DNASE1: variants seen among roughly 807,000 people sequenced by gnomAD.
DNASE1 encodes the protein deoxyribonuclease-1.
In DNASE1, 40 loss-of-function variants were observed where a neutral mutation model predicts 33.9. That is an observed-to-expected ratio of 1.18 (90% CI 0.92 to 1.54). The LOEUF is 1.54. DNASE1 is among the 40% of genes most tolerant of loss of function. DNASE1 has a pLI of 0.00. For missense variants in DNASE1, 518 were observed against 372.6 expected, an observed-to-expected ratio of 1.39 and a Z score of -3.21; for synonymous variants, 216 against 160.0, an observed-to-expected ratio of 1.35 and a Z score of -2.64.
chr16:3,612,686 G>A (rs756074423), intron 1 of DNASE1, among the ~76,000 whole-genome samples: 10 of 151,856 alleles, frequency 6.6e-5, no homozygotes, highest in Non-Finnish European at 1.2e-4. Context: ...TGAGATTACA[G>A]GCGTGAGCCA....
At chr16:3,643,619 A>G (rs1436983566) in intron 1 of DNASE1, among the ~76,000 whole-genome samples, 2 of 152,192 alleles carry the variant, frequency 1.3e-5, no homozygotes, top group African/African-American at 4.8e-5. Context: ...AGTCCCTGAC[A>G]CTCAGTTGAA....
chr16:3,623,630 A>G (rs934036775), intron 1 of DNASE1, among the ~76,000 whole-genome samples: 2 of 152,208 alleles, frequency 1.3e-5, no homozygotes, highest in African/African-American at 4.8e-5. Flanking sequence ...AAGAAAAAAA[A>G]ACCCATTAGT....
At chr16:3,656,964 G>A (rs1172381829) in intron 5 of DNASE1, 35 bp from the exon 6 acceptor site, 2 of 1,607,410 alleles carry the variant, frequency 1.2e-6, no homozygotes, top group Non-Finnish European at 1.7e-6. Context: ...CTGCCCCCAG[G>A]GAGTGTGCCT....
At chr16:3,622,952 T>C (rs567466924) in intron 1 of DNASE1, among the ~76,000 whole-genome samples, 1 of 152,280 alleles carries the variant, frequency 6.6e-6, no homozygotes, top group Admixed American at 6.5e-5. Flanking sequence ...ACAAGGCCTC[T>C]TTTGGGAGAG....
chr16:3,664,608 T>C, exon 10 of DNASE1: 1 of 816,682 alleles, frequency 1.2e-6, no homozygotes. Context: ...TCGGGGGTTG[T>C]CCGAGAGCAG....
upstream of DNASE1, chr16:3,653,826 A>AAAAAAAACAAAAAAAAAC (rs2042428032): frequency 6.9e-6 from 1 of 144,908 alleles, no homozygotes; most frequent in African/African-American, 2.6e-5. Context: ...AAAAAAAAAA[A>AAAAAAAACAAAAAAAAAC]AAAAAAAAAA....
upstream of DNASE1, among the ~76,000 whole-genome samples, chr16:3,641,950 A>G (rs1420562191): frequency 2.6e-5 from 4 of 152,246 alleles, no homozygotes; most frequent in African/African-American, 9.6e-5. Context: ...CAGAGTTGGA[A>G]GAAATACAGC....
At chr16:3,619,008 C>G (rs1442850161) in intron 1 of DNASE1, among the ~76,000 whole-genome samples, 1 of 151,970 alleles carries the variant, frequency 6.6e-6, no homozygotes, top group Non-Finnish European at 1.5e-5. Flanking sequence ...CTCAGCCTAC[C>G]TGTAGCTAGA....
In DNASE1 at chr16:3,656,127, G is replaced by C; in HGVS notation, c.262G>C (p.Val88Leu). 1 of 1,614,078 alleles carries C rather than the reference G, an allele frequency of 6.2e-7. No homozygotes were observed. The highest frequency in any genetic ancestry group is 8.5e-7 in the Non-Finnish European group (1 of 1,180,010). Reference protein sequence around the residue: ...NQDAPDTYHYVVSEPLGRNSY... With the variant: ...NQDAPDTYHYLVSEPLGRNSY... ...GGATGCACCAGACACCTATCACTAC[G>C]TGGTCAGTGAGCCACTGGGACGGAA... is the stretch of plus-strand genomic sequence containing the variant. The change falls in exon 4 of 9, where the codon GTG becomes CTG. Residue 88 changes from valine to leucine, a missense_variant. Coordinates refer to ENST00000246949, the MANE Select transcript of DNASE1 (RefSeq NM_005223.4).
chr16:3,619,950 C>A lies in DNASE1; in HGVS notation c.-1359+7944C>A, dbSNP rs189185316. On this transcript the variant is annotated intron_variant and NMD_transcript_variant, in intron 1 of 11. Coordinates refer to the DNASE1 transcript ENST00000570769. ...TTTTTTTTTGAGACAGAGTCTTGCTCTGTCACCTAGGCTGGAGTGCAGTGG... is the reference window on the plus strand; with the variant it reads ...TTTTTTTTTGAGACAGAGTCTTGCTATGTCACCTAGGCTGGAGTGCAGTGG... Among the ~76,000 whole-genome samples, 616 of 144,220 alleles carry A rather than the reference C, an allele frequency of 4.3e-3. 3 individuals carry two copies. The highest frequency in any genetic ancestry group is 0.015 in the African/African-American group (588 of 39,024). 94.6% of individuals were successfully genotyped at this position (144,220 alleles called of 152,430 possible). A position where few individuals can be genotyped will look rare whatever the true frequency, so the allele number is the denominator to read the frequency against.
chr16:3,656,942 T>C (rs2042692326), intron 5 of DNASE1, 57 bp from the exon 6 acceptor site: 2 of 1,592,128 alleles, frequency 1.3e-6, no homozygotes, highest in African/African-American at 1.3e-5. Flanking sequence ...CCAGCTGACA[T>C]GGTGACTGAA....
chr16:3,651,412 C>T (rs935660525), upstream of DNASE1: 10 of 152,210 alleles, frequency 6.6e-5, no homozygotes, highest in Admixed American at 5.2e-4. Flanking sequence ...TCCTCGTTGC[C>T]GTTGGCTGCC....
At chr16:3,629,856 C>T (rs143578525) in intron 1 of DNASE1, among the ~76,000 whole-genome samples, 220 of 152,258 alleles carry the variant, frequency 1.4e-3, no homozygotes, top group African/African-American at 5.1e-3. Context: ...CTCTGTTATC[C>T]AGGCTGGAGT....
chr16:3,663,031 C>T, downstream of DNASE1: 1 of 1,327,550 alleles, frequency 7.5e-7, no homozygotes, highest in Non-Finnish European at 1.0e-6. Flanking sequence ...TCCATGGGGG[C>T]CACGCAGCAT....
intron 1 of DNASE1, among the ~76,000 whole-genome samples, chr16:3,627,196 GC>G (rs2151171095): frequency 6.6e-6 from 1 of 151,694 alleles, no homozygotes; most frequent in Admixed American, 6.6e-5. Flanking sequence ...AATTTTCTTT[GC>G]TATGAAGTCT....
At chr16:3,639,485 C>G (rs191436300), upstream of DNASE1, among the ~76,000 whole-genome samples, 18 of 152,330 alleles carry the variant, frequency 1.2e-4, no homozygotes, top group East Asian at 3.5e-3. Flanking sequence ...TCTTGGCCCT[C>G]AGTTCTGTCC....
In DNASE1 at chr16:3,656,162, G is replaced by A. The variant is rs749757223; in HGVS notation, c.297G>A (p.Lys99=). 51 of 1,613,996 alleles carry A rather than the reference G, an allele frequency of 3.2e-5. No individual in the cohort carries two copies. In the Admixed American group the frequency reaches 8.2e-4, roughly 26 times the overall value. ...AGCCACTGGGACGGAACAGCTATAA[G>A]GAGCGCTACCTGTTCGTGTACAGGT... The part of the protein sequence containing the change: ...VSEPLGRNSY[K]ERYLFVYRPD... The change falls in exon 4 of 9, where the codon AAG becomes AAA. Residue 99 remains lysine (K), a synonymous_variant. Transcript: ENST00000246949.
At chr16:3,649,085 A>C (rs2151201931) in intron 1 of DNASE1, among the ~76,000 whole-genome samples, 1 of 152,298 alleles carries the variant, frequency 6.6e-6, no homozygotes, top group Non-Finnish European at 1.5e-5. Context: ...AGGTTTGATC[A>C]GATTCAAGAT....
downstream of DNASE1, chr16:3,660,855 T>G (rs947190475): frequency 6.6e-6 from 1 of 151,782 alleles, no homozygotes; most frequent in East Asian, 1.9e-4. Context: ...GGCCAGGAGG[T>G]AGAAGTTGCA....
Sources: allele counts gnomAD v4.1 joint callset (sites outside exome capture counted in the v4.1 genomes callset), GRCh38; gene constraint gnomAD v4.1.1; transcripts MANE v1.5; gene names NCBI Gene and HGNC (gene_info 2026-07-23, HGNC 2026-07-21).